RNF220: variants seen among roughly 807,000 people sequenced by gnomAD.
RNF220 encodes ring finger protein 220, also known as E3 ubiquitin-protein ligase RNF220.
Under a neutral mutation model 67.1 loss-of-function variants are expected in RNF220, and 7 were observed. The observed-to-expected ratio is 0.10, with a 90% CI of 0.06 to 0.20. The LOEUF (loss-of-function observed/expected upper bound fraction) is 0.20. Among genes scored for constraint, RNF220 ranks in the 10% least tolerant of loss-of-function variants. The probability of loss-of-function intolerance (pLI) is 1.00; values close to 1 mark genes in which losing one functional copy is unlikely to be tolerated. For missense variants in RNF220, 565 were observed against 740.3 expected (o/e 0.76, Z 2.75); for synonymous variants, 270 against 283.2 (o/e 0.95, Z 0.47).
chr1:44,529,214 G>A (rs765481773), intron 2 of RNF220, among the ~76,000 whole-genome samples: 10 of 151,834 alleles, frequency 6.6e-5, no homozygotes, highest in Non-Finnish European at 1.0e-4. Context: ...ACAATAAAAT[G>A]GTTAAATAAG....
chr1:44,568,312 G>A (rs1382074155), intron 2 of RNF220, among the ~76,000 whole-genome samples: 2 of 152,140 alleles, frequency 1.3e-5, no homozygotes, highest in Non-Finnish European at 2.9e-5. Flanking sequence ...CTGGCCGTGT[G>A]GCAGCTCCTC....
chr1:44,520,663 T>G (rs1320627484), intron 2 of RNF220, among the ~76,000 whole-genome samples: 1 of 152,216 alleles, frequency 6.6e-6, no homozygotes, highest in Non-Finnish European at 1.5e-5. Flanking sequence ...CCAGACAGAT[T>G]GAACAGTTTC....
At chr1:44,486,797 C>T (rs1037228143) in intron 2 of RNF220, among the ~76,000 whole-genome samples, 1 of 152,136 alleles carries the variant, frequency 6.6e-6, no homozygotes. Flanking sequence ...GCTGTGTGGA[C>T]TTGGGAAGTT....
At chr1:44,519,692 C>T (rs1260777672) in intron 2 of RNF220, among the ~76,000 whole-genome samples, 1 of 152,122 alleles carries the variant, frequency 6.6e-6, no homozygotes, top group African/African-American at 2.4e-5. Context: ...CCTCCTTGAC[C>T]CCCCTCCCTC....
chr1:44,509,544 T>C (rs1403993889), intron 2 of RNF220, among the ~76,000 whole-genome samples: 4 of 86,662 alleles, frequency 4.6e-5, no homozygotes, highest in African/African-American at 1.9e-4. Flanking sequence ...TGTGAGACTC[T>C]GTCTCAAAAA....
chr1:44,631,478 ATAC>A (rs765647872), intron 5 of RNF220, among the ~76,000 whole-genome samples: 143 of 152,312 alleles, frequency 9.4e-4, no homozygotes, highest in Non-Finnish European at 7.2e-4. Flanking sequence ...TGTTTGGAGG[ATAC>A]TGAGTTCCAT....
chr1:44,647,072 C>G (rs981750325), intron 12 of RNF220, among the ~76,000 whole-genome samples: 1 of 152,188 alleles, frequency 6.6e-6, no homozygotes, highest in Non-Finnish European at 1.5e-5. Flanking sequence ...TAGGTAGGCT[C>G]TGGAGTTGGC....
intron 2 of RNF220, among the ~76,000 whole-genome samples, chr1:44,421,607 T>TGGGGAGGGATTAGCAGGGGGAA (rs1454209780): frequency 1.3e-3 from 11 of 8,468 alleles, no homozygotes; most frequent in African/African-American, 5.2e-3. Context: ...GGGGGCTGCC[T>TGGGGAGGGATTAGCAGGGGGAA]GGGGAGGGAT....
intron 2 of RNF220, among the ~76,000 whole-genome samples, chr1:44,492,921 A>AT (rs34130621): frequency 0.049 from 7,105 of 144,826 alleles, 162 homozygotes; most frequent in Non-Finnish European, 0.064. Flanking sequence ...CAAAATCTGA[A>AT]TTTTTTTTTT....
chr1:44,500,180 T>C (rs1371071421), intron 2 of RNF220, among the ~76,000 whole-genome samples: 8 of 152,238 alleles, frequency 5.3e-5, no homozygotes, highest in African/African-American at 1.7e-4. Context: ...TCTACAGGCA[T>C]GAGAGACCTA....
intron 2 of RNF220, among the ~76,000 whole-genome samples, chr1:44,607,741 G>C (rs186158704): frequency 1.3e-5 from 2 of 151,574 alleles, no homozygotes; most frequent in Non-Finnish European, 1.5e-5. Flanking sequence ...CGCCCGCCTC[G>C]GCCTCCCAAA....
At chr1:44,578,688 A>C (rs989796636) in intron 2 of RNF220, among the ~76,000 whole-genome samples, 1 of 152,218 alleles carries the variant, frequency 6.6e-6, no homozygotes, top group African/African-American at 2.4e-5. Flanking sequence ...GACACTGATC[A>C]ACAACTCTAA....
intron 2 of RNF220, among the ~76,000 whole-genome samples, chr1:44,543,726 T>C (rs1661874764): frequency 6.6e-6 from 1 of 152,102 alleles, no homozygotes; most frequent in African/African-American, 2.4e-5. Flanking sequence ...ATTTCACATG[T>C]AACGACTTCA....
At chr1:44,496,516 A>G (rs1302066735) in intron 2 of RNF220, among the ~76,000 whole-genome samples, 1 of 152,228 alleles carries the variant, frequency 6.6e-6, no homozygotes, top group Non-Finnish European at 1.5e-5. Context: ...ACTTAAATTA[A>G]TGAACCACTG....
chr1:44,596,230 A>G (rs1250500905), intron 2 of RNF220, among the ~76,000 whole-genome samples: 1 of 152,194 alleles, frequency 6.6e-6, no homozygotes, highest in East Asian at 1.9e-4. Context: ...ATTCTAAGTC[A>G]AAAGGGGAGA....
intron 2 of RNF220, among the ~76,000 whole-genome samples, chr1:44,540,438 G>A (rs1432986862): frequency 6.6e-6 from 1 of 152,188 alleles, no homozygotes; most frequent in African/African-American, 2.4e-5. Context: ...CCTGATGTTA[G>A]CTCCTGGAAT....
At chr1:44,510,917 G>T (rs147862917) in intron 2 of RNF220, among the ~76,000 whole-genome samples, 104 of 152,320 alleles carry the variant, frequency 6.8e-4, no homozygotes, top group Middle Eastern at 3.4e-3. Flanking sequence ...AGAGGTAAAG[G>T]TGAGAAAGGG....
At chr1:44,476,283 A>T (rs1016106306) in intron 2 of RNF220, among the ~76,000 whole-genome samples, 1 of 152,300 alleles carries the variant, frequency 6.6e-6, no homozygotes, top group Admixed American at 6.5e-5. Flanking sequence ...CTTAAGTGGG[A>T]TGGTGGTTCA....
intron 1 of RNF220, 53 bp from the exon 2 acceptor site, chr1:44,411,928 T>C (rs1299883881): frequency 2.8e-6 from 2 of 710,130 alleles, no homozygotes; most frequent in Non-Finnish European, 4.6e-6. Context: ...TCCCTTTTTT[T>C]CCTCCCCCTG....
Sources: allele counts gnomAD v4.1 joint callset (sites outside exome capture counted in the v4.1 genomes callset), GRCh38; gene constraint gnomAD v4.1.1; transcripts MANE v1.5; gene names NCBI Gene and HGNC (gene_info 2026-07-23, HGNC 2026-07-21).